Variants in ARHGAP10 observed in about 807,000 individuals in gnomAD.
The protein encoded by ARHGAP10 is Rho GTPase activating protein 10, also known as rho GTPase-activating protein 10.
In ARHGAP10, 87 loss-of-function variants were observed where a neutral mutation model predicts 108.6. The observed-to-expected ratio is 0.80, with a 90% CI of 0.67 to 0.96. The LOEUF is 0.96. Ranked by LOEUF, ARHGAP10 falls within the 40% of genes least tolerant of loss-of-function variation. The pLI is 0.00. For synonymous variants in ARHGAP10, 347 were observed against 341.1 expected, an observed-to-expected ratio of 1.02 and a Z score of -0.19; for missense variants, 939 against 954.5, an observed-to-expected ratio of 0.98 and a Z score of 0.21.
chr4:147,824,138 G>A (rs1732611856), intron 3 of ARHGAP10, among the ~76,000 whole-genome samples: 1 of 152,092 alleles, frequency 6.6e-6, no homozygotes, highest in Non-Finnish European at 1.5e-5. Context: ...TGGCCAACTT[G>A]GTGAAACCCC....
At chr4:147,826,597 T>C (rs1258129489) in intron 3 of ARHGAP10, among the ~76,000 whole-genome samples, 3 of 152,154 alleles carry the variant, frequency 2.0e-5, no homozygotes, top group Non-Finnish European at 2.9e-5. Context: ...ATTTCAAACA[T>C]GTACCAAAGT....
At chr4:147,747,975 C>T (rs975931226) in intron 1 of ARHGAP10, among the ~76,000 whole-genome samples, 7 of 152,178 alleles carry the variant, frequency 4.6e-5, no homozygotes, top group South Asian at 4.1e-4. Flanking sequence ...TGGTTTCTAG[C>T]GGGCAGAGGC....
Position 147,786,361 on chromosome 4 carries a change from C to T in ARHGAP10, c.155-36366C>T, listed in dbSNP as rs77059657. Among the ~76,000 whole-genome samples, 29 of 152,236 alleles carry T rather than the reference C, an allele frequency of 1.9e-4. No individual in the cohort carries two copies. The East Asian group carries it at 5.0e-3, about 26-fold the overall frequency. On this transcript the variant is annotated intron_variant, in intron 1 of 22. Transcript: ENST00000336498. Reference sequence around the variant, plus strand: ...GGTTATGTGACCACCTGAGTAACTGCCCGGTGAGACTGGGAAGTCTAGGAG... The same window carrying T: ...GGTTATGTGACCACCTGAGTAACTGTCCGGTGAGACTGGGAAGTCTAGGAG...
chr4:148,019,877 C>T (rs1198615298), intron 18 of ARHGAP10, among the ~76,000 whole-genome samples: 4 of 152,094 alleles, frequency 2.6e-5, no homozygotes, highest in Non-Finnish European at 5.9e-5. Context: ...GATTTGCTAC[C>T]TGTGTTAATC....
At chr4:147,876,080 A>C (rs576144010) in intron 8 of ARHGAP10, among the ~76,000 whole-genome samples, 1 of 152,216 alleles carries the variant, frequency 6.6e-6, no homozygotes, top group Non-Finnish European at 1.5e-5. Context: ...GACATGACTC[A>C]GGGAACGGTT....
intron 1 of ARHGAP10, among the ~76,000 whole-genome samples, chr4:147,812,345 A>G (rs1732066271): frequency 6.6e-6 from 1 of 152,144 alleles, no homozygotes; most frequent in African/African-American, 2.4e-5. Context: ...GGCCCGTGTC[A>G]GTATGCTCTA....
At chr4:147,954,449 C>T (rs185751137) in intron 15 of ARHGAP10, among the ~76,000 whole-genome samples, 2 of 151,788 alleles carry the variant, frequency 1.3e-5, no homozygotes, top group Non-Finnish European at 2.9e-5. Flanking sequence ...ATGAAATGAC[C>T]TTCTTTATCT....
intron 20 of ARHGAP10, among the ~76,000 whole-genome samples, chr4:148,056,822 A>G (rs1279782562): frequency 6.6e-6 from 1 of 152,222 alleles, no homozygotes; most frequent in Non-Finnish European, 1.5e-5. Context: ...GTCTTTTGGT[A>G]AATTAAATGG....
chr4:147,741,600 G>A (rs1236263944), intron 1 of ARHGAP10, among the ~76,000 whole-genome samples: 1 of 152,090 alleles, frequency 6.6e-6, no homozygotes, highest in Non-Finnish European at 1.5e-5. Flanking sequence ...ACACTGGCAG[G>A]TCTGCTTCCC....
chr4:147,956,547 A>G (rs1455855457), intron 16 of ARHGAP10, among the ~76,000 whole-genome samples: 1 of 152,200 alleles, frequency 6.6e-6, no homozygotes, highest in African/African-American at 2.4e-5. Flanking sequence ...CAAAAACTCA[A>G]GTAAATGCTT....
chr4:148,029,494 G>C (rs1222230304), intron 19 of ARHGAP10, among the ~76,000 whole-genome samples: 3 of 152,180 alleles, frequency 2.0e-5, no homozygotes, highest in Non-Finnish European at 4.4e-5. Context: ...GGTGTGAGAA[G>C]GACAACTGGA....
At chr4:147,811,628 T>G (rs1359705125) in intron 1 of ARHGAP10, among the ~76,000 whole-genome samples, 2 of 152,192 alleles carry the variant, frequency 1.3e-5, no homozygotes, top group Non-Finnish European at 2.9e-5. Flanking sequence ...TGGTTAAGGT[T>G]TTCTTTTGAG....
At chr4:147,852,717 TTTTTTTTTTTTTTA>T (rs1340426307) in intron 4 of ARHGAP10, among the ~76,000 whole-genome samples, 1 of 30,316 alleles carries the variant, frequency 3.3e-5, no homozygotes, top group Non-Finnish European at 1.1e-4. Context: ...TTTTTTTTTT[TTTTTTTTTTTTTTA>T]AAATGGAGCG....
chr4:148,051,708 A>G (rs1729147092), intron 20 of ARHGAP10, among the ~76,000 whole-genome samples: 11 of 152,132 alleles, frequency 7.2e-5, no homozygotes, highest in Admixed American at 7.2e-4. Flanking sequence ...GATATCTCTA[A>G]AGCATCTATC....
chr4:147,843,567 C>G (rs1161845244), intron 3 of ARHGAP10, among the ~76,000 whole-genome samples: 2 of 152,094 alleles, frequency 1.3e-5, no homozygotes, highest in Non-Finnish European at 2.9e-5. Context: ...CGCTGTGTTG[C>G]CCAGGCTGGA....
At chr4:147,995,547 C>T (rs938805831) in intron 18 of ARHGAP10, among the ~76,000 whole-genome samples, 1 of 152,286 alleles carries the variant, frequency 6.6e-6, no homozygotes, top group African/African-American at 2.4e-5. Flanking sequence ...TTATTATTAT[C>T]TAAAACAGAT....
chr4:147,983,852 A>G (rs889690293), intron 18 of ARHGAP10, among the ~76,000 whole-genome samples: 1 of 152,196 alleles, frequency 6.6e-6, no homozygotes. Context: ...GATCCTTTGA[A>G]GGTGACAAAA....
intron 18 of ARHGAP10, among the ~76,000 whole-genome samples, chr4:147,972,817 T>C (rs1245647562): frequency 6.6e-6 from 1 of 151,892 alleles, no homozygotes. Flanking sequence ...TGCAGTGGCA[T>C]GGTCTTGGCT....
At chr4:147,866,106 C>T (rs1435322042) in intron 6 of ARHGAP10, 1 of 152,226 alleles carries the variant, frequency 6.6e-6, no homozygotes, top group Non-Finnish European at 1.5e-5. Context: ...GAAAATGAAT[C>T]TCAAGATTTC....
Sources: allele counts gnomAD v4.1 joint callset (sites outside exome capture counted in the v4.1 genomes callset), GRCh38; gene constraint gnomAD v4.1.1; transcripts MANE v1.5; gene names NCBI Gene and HGNC (gene_info 2026-07-23, HGNC 2026-07-21).